LAPTM4B: variants seen among roughly 807,000 people sequenced by gnomAD.
LAPTM4B encodes the protein lysosomal protein transmembrane 4 beta, also known as lysosomal-associated transmembrane protein 4B.
In LAPTM4B, 26 loss-of-function variants were observed where a neutral mutation model predicts 28.5. The observed-to-expected ratio is 0.91, with a 90% confidence interval of 0.67 to 1.27. The LOEUF is 1.27. Among genes scored for constraint, LAPTM4B ranks in the 50% most tolerant of loss-of-function variants. The probability of loss-of-function intolerance (pLI) is 0.00; values close to 1 mark genes in which losing one functional copy is unlikely to be tolerated. For missense variants in LAPTM4B, 288 were observed against 285.8 expected (o/e 1.01, Z -0.06); for synonymous variants, 109 against 106.4 (o/e 1.02, Z -0.15).
chr8:97,786,732 C>G (rs1232831914), intron 1 of LAPTM4B, among the ~76,000 whole-genome samples: 1 of 150,756 alleles, frequency 6.6e-6, no homozygotes, highest in Non-Finnish European at 1.5e-5. Context: ...TAACCTTGAG[C>G]TACTAAAATT....
intron 4 of LAPTM4B, 65 bp downstream of exon 4, chr8:97,816,245 G>A (rs1337550672): frequency 1.3e-5 from 19 of 1,477,178 alleles, no homozygotes; most frequent in Non-Finnish European, 1.8e-5. Flanking sequence ...GTTAAGTAAG[G>A]GATGTGTAGA....
intron 5 of LAPTM4B, among the ~76,000 whole-genome samples, 167 bp from the exon 6 acceptor site, chr8:97,824,891 A>G (rs757390242): frequency 2.6e-5 from 4 of 151,752 alleles, no homozygotes; most frequent in Non-Finnish European, 4.4e-5. Context: ...AAGTTACTAT[A>G]CCCAACATTT....
rs114448223 is a variant in LAPTM4B at position 97,822,501 on chromosome 8, G to A, written c.508-2557G>A. Among the ~76,000 whole-genome samples the A allele has an allele frequency of 6.0e-3, 904 of 150,938 alleles. 6 individuals are homozygous for A. The highest frequency in any genetic ancestry group is 0.021 in the African/African-American group (851 of 41,162). On this transcript the variant is annotated intron_variant, in intron 5 of 6. Transcript: ENST00000521545. ...TCACATTTTGAGTCAGAGGACCTAG[G>A]GTTAGCTTCTGTCAGTATGACTTCT...
chr8:97,789,107 C>T (rs1816456850), intron 1 of LAPTM4B, among the ~76,000 whole-genome samples: 1 of 148,478 alleles, frequency 6.7e-6, no homozygotes, highest in South Asian at 2.1e-4. Context: ...GAGTTTTGCT[C>T]TTGTTGCCCA....
chr8:97,805,448 G>A lies in LAPTM4B; in HGVS notation c.195G>A (p.Glu65=). 1 of 1,601,724 alleles carries A rather than the reference G, an allele frequency of 6.2e-7. No individual in the cohort carries two copies. The highest frequency in any genetic ancestry group is 8.6e-7 in the Non-Finnish European group (1 of 1,169,524). The change falls in exon 2 of 7, where the codon GAG becomes GAA. Residue 65 remains glutamate, a synonymous_variant. Transcript: ENST00000521545. ...GTTCTGAACTGGGAGGTGACTTTGA[G>A]TTCATGGATGATGCCAGTAAGTAGT... is the stretch of plus-strand genomic sequence containing the variant. ...FSSSELGGDF[E]FMDDANMCIA...
chr8:97,818,225 G>C (rs1488818909), intron 4 of LAPTM4B, among the ~76,000 whole-genome samples: 1 of 152,226 alleles, frequency 6.6e-6, no homozygotes, highest in African/African-American at 2.4e-5. Context: ...CCATTAGGTG[G>C]TGTTCACCCT....
At chr8:97,795,979 G>A (rs1274366964) in intron 1 of LAPTM4B, among the ~76,000 whole-genome samples, 3 of 151,520 alleles carry the variant, frequency 2.0e-5, no homozygotes, top group African/African-American at 7.3e-5. Flanking sequence ...CACCTTTGTT[G>A]CCCAGGCTGG....
In LAPTM4B at chr8:97,802,965, C is replaced by T. The variant is rs560648901; in HGVS notation, c.100-2388C>T. Among the ~76,000 whole-genome samples the T allele has an allele frequency of 1.8e-3, 271 of 152,110 alleles. 1 individual carries two copies. The highest frequency in any genetic ancestry group is 6.2e-3 in the African/African-American group (256 of 41,528). On this transcript the variant is annotated intron_variant, in intron 1 of 6. Transcript: ENST00000521545. ...CCTATAATCCTAGCACTTTGGGAGG[C>T]CGAGGCGGGTGGATCACGAGATCAG...
chr8:97,843,316 AC>A (rs1334939826), intron 6 of LAPTM4B, among the ~76,000 whole-genome samples: 7 of 152,054 alleles, frequency 4.6e-5, no homozygotes, highest in African/African-American at 1.4e-4. Context: ...AGTCCCAGCT[AC>A]TCAGGAGGCT....
chr8:97,829,462 TA>T (rs1817145654), intron 6 of LAPTM4B, among the ~76,000 whole-genome samples: 1 of 151,444 alleles, frequency 6.6e-6, no homozygotes, highest in African/African-American at 2.4e-5. Flanking sequence ...AGGTGAAGAG[TA>T]AAGGAACATA....
At chr8:97,844,928 C>T (rs1244817931) in intron 6 of LAPTM4B, among the ~76,000 whole-genome samples, 1 of 152,094 alleles carries the variant, frequency 6.6e-6, no homozygotes, top group Admixed American at 6.6e-5. Flanking sequence ...CTTTTAACAC[C>T]ATATTGCACA....
rs780836991 is a variant in LAPTM4B, at chr8:97,775,970, G to A, written c.-40G>A. 4.3e-5 allele frequency: 67 copies of A among 1,549,182 alleles called. No individual in the cohort carries two copies. The highest frequency in any genetic ancestry group is 1.9e-5 in the Admixed American group (1 of 51,396). ...TCCAGGCGAGGCGGTCGACGCTCCT[G>A]AAAACTTGCGCGCGCGCTCGCGCCA... On this transcript the variant is annotated 5_prime_UTR_variant, in exon 1 of 7. Coordinates refer to ENST00000521545, the MANE Select transcript of LAPTM4B (RefSeq NM_018407.6).
chr8:97,825,292 C>T (rs28498698), intron 6 of LAPTM4B, 139 bp downstream of exon 6: 39,571 of 500,806 alleles, frequency 0.079, 4,409 homozygotes, highest in African/African-American at 0.37. Flanking sequence ...AAAGATTCAT[C>T]TTAGTTATCA....
At chr8:97,794,439 C>T (rs1261943944) in intron 1 of LAPTM4B, among the ~76,000 whole-genome samples, 1 of 152,132 alleles carries the variant, frequency 6.6e-6, no homozygotes, top group Non-Finnish European at 1.5e-5. Flanking sequence ...CATTTTTGTA[C>T]AACCCAGTTT....
chr8:97,804,263 C>T (rs1432453018), intron 1 of LAPTM4B, among the ~76,000 whole-genome samples: 1 of 152,142 alleles, frequency 6.6e-6, no homozygotes, highest in Non-Finnish European at 1.5e-5. Context: ...ACTCTGCAAT[C>T]CTTGCTACCC....
intron 6 of LAPTM4B, among the ~76,000 whole-genome samples, chr8:97,846,982 A>G (rs1047487046): frequency 2.6e-5 from 4 of 152,242 alleles, no homozygotes; most frequent in African/African-American, 9.6e-5. Flanking sequence ...ATGTTGATGT[A>G]GCTGAGAAGA....
chr8:97,837,464 G>C lies in LAPTM4B; in HGVS notation c.603+12311G>C, dbSNP rs150183579. On this transcript the variant is annotated intron_variant, in intron 6 of 6. Coordinates refer to ENST00000521545, the MANE Select transcript of LAPTM4B (RefSeq NM_018407.6). Reference sequence around the variant, plus strand: ...TGCCTTGGCCACCCGAAGTGCTCCTGCCACTTTTAAAAGCAGGTTATTACT... The same window carrying C: ...TGCCTTGGCCACCCGAAGTGCTCCTCCCACTTTTAAAAGCAGGTTATTACT... Among the ~76,000 whole-genome samples the C allele has an allele frequency of 2.2e-3, 328 of 152,208 alleles. 1 individual carries two copies. Among genetic ancestry groups the C allele is most frequent in the African/African-American group, 7.6e-3 (314 of 41,550 alleles).
chr8:97,834,181 T>TTC (rs1817227244), intron 6 of LAPTM4B, among the ~76,000 whole-genome samples: 1 of 101,986 alleles, frequency 9.8e-6, no homozygotes, highest in African/African-American at 3.2e-5. Context: ...GTGCCTGTAG[T>TTC]TCTAGCTACT....
At chr8:97,839,713 C>A (rs1817316422) in intron 6 of LAPTM4B, among the ~76,000 whole-genome samples, 1 of 152,130 alleles carries the variant, frequency 6.6e-6, no homozygotes, top group South Asian at 2.1e-4. Flanking sequence ...TCTTAAAGCT[C>A]CAAACAAACC....
Sources: allele counts gnomAD v4.1 joint callset (sites outside exome capture counted in the v4.1 genomes callset), GRCh38; gene constraint gnomAD v4.1.1; transcripts MANE v1.5; gene names NCBI Gene and HGNC (gene_info 2026-07-23, HGNC 2026-07-21).